Variants in DHX35 observed in about 807,000 individuals in gnomAD.
DHX35 encodes the protein probable ATP-dependent RNA helicase DHX35.
DHX35 carries 84 observed loss-of-function variants against 99.6 expected under a neutral mutation model. The ratio of observed to expected loss-of-function variants is 0.84; its 90% CI spans 0.71 to 1.01. The LOEUF is 1.01. DHX35 is among the 50% of genes least tolerant of loss of function. The pLI, the probability that DHX35 is intolerant of heterozygous loss-of-function variation, is 0.00. For missense variants in DHX35, 852 were observed against 888.5 expected, an observed-to-expected ratio of 0.96 and a Z score of 0.52; for synonymous variants, 331 against 316.2, an observed-to-expected ratio of 1.05 and a Z score of -0.50.
At chr20:39,015,467 A>G (rs2086770198) in intron 14 of DHX35, among the ~76,000 whole-genome samples, 1 of 151,968 alleles carries the variant, frequency 6.6e-6, no homozygotes, top group African/African-American at 2.4e-5. Flanking sequence ...CATTGAAAGT[A>G]ATGGCAAAAC....
At chr20:39,012,878 C>G (rs534415099) in intron 13 of DHX35, among the ~76,000 whole-genome samples, 15 of 152,092 alleles carry the variant, frequency 9.9e-5, no homozygotes, top group Non-Finnish European at 1.0e-4. Context: ...ATGGTGAAAT[C>G]GAAAACTGCC....
chr20:38,974,723 A>G (rs2145842275), intron 3 of DHX35, among the ~76,000 whole-genome samples: 1 of 152,300 alleles, frequency 6.6e-6, no homozygotes, highest in Non-Finnish European at 1.5e-5. Context: ...GAAGAGGATT[A>G]AGGACAAAGT....
rs185705766 is a variant in DHX35, at chr20:39,033,253, T to A, written c.1956-953T>A. Among the ~76,000 whole-genome samples the A allele has an allele frequency of 4.1e-3, 620 of 152,206 alleles. 5 individuals are homozygous for A. The highest frequency in any genetic ancestry group is 0.014 in the African/African-American group (565 of 41,548). The stretch of plus-strand genomic sequence containing the variant: ...CCTGCCTTTAAAAAATTTTTTTTTT[T>A]AAATCAAGAGAGATGCAAAACCTCA... On this transcript the variant is annotated intron_variant, in intron 20 of 21. Transcript: ENST00000252011.
At chr20:38,984,416 T>C (rs142389128) in intron 4 of DHX35, among the ~76,000 whole-genome samples, 67 of 152,332 alleles carry the variant, frequency 4.4e-4, no homozygotes, top group African/African-American at 1.5e-3. Context: ...AATGGTTGAC[T>C]GGCTGGATAG....
intron 13 of DHX35, among the ~76,000 whole-genome samples, chr20:39,014,155 A>G (rs544449601): frequency 6.6e-6 from 1 of 152,382 alleles, no homozygotes; most frequent in East Asian, 1.9e-4. Flanking sequence ...TTTAGAAAAC[A>G]TCCTATGCAG....
At chr20:39,004,513 G>A (rs912216715) in intron 11 of DHX35, among the ~76,000 whole-genome samples, 9 of 152,216 alleles carry the variant, frequency 5.9e-5, no homozygotes, top group South Asian at 2.1e-4. Context: ...TAGGGGGATT[G>A]AGGTCAGTCA....
intron 10 of DHX35, 97 bp from the exon 11 acceptor site, chr20:39,003,652 A>G: frequency 7.0e-7 from 1 of 1,421,852 alleles, no homozygotes; most frequent in African/African-American, 1.4e-5. Context: ...GACCAAAATT[A>G]AAGTCCAGAT....
At position 39,006,373 on chromosome 20, in the gene DHX35, C is replaced by G. The variant is rs1283513138; in HGVS notation, c.1222+17C>G. ...TTTATACAGGTTAGTGTGGCTTTCC[C>G]TAAGGGTTTTTGACTTTCTTATAGT... On this transcript the variant is annotated intron_variant, in intron 12 of 21. Transcript: ENST00000252011. The G allele has an allele frequency of 5.0e-6, 8 of 1,609,578 alleles. No homozygotes were observed. The highest frequency in any genetic ancestry group is 1.3e-5 in the African/African-American group (1 of 74,830).
chr20:38,968,932 T>A lies in DHX35; in HGVS notation c.41-149T>A, dbSNP rs543253268. On this transcript the variant is annotated intron_variant, in intron 1 of 21. Coordinates refer to ENST00000252011, the MANE Select transcript of DHX35 (RefSeq NM_021931.4). ...CTCGTAGGCACTTTTCTGGATTCTT[T>A]CCTAAAGTTAAGGTTGAATACCTTT... 5.5e-5 allele frequency: 52 copies of A among 952,240 alleles called. No individual in the cohort carries two copies. The South Asian group carries it at 1.3e-3, about 24-fold the overall frequency. 59.0% of individuals were successfully genotyped at this position (952,240 alleles called of 1,614,324 possible).
chr20:39,010,246 T>A, intron 12 of DHX35, 34 bp from the exon 13 acceptor site: 1 of 1,613,940 alleles, frequency 6.2e-7, no homozygotes, highest in African/African-American at 1.3e-5. Flanking sequence ...ATTGTGACAT[T>A]TGGTCCCAAA....
intron 8 of DHX35, among the ~76,000 whole-genome samples, chr20:38,995,275 A>C (rs2086411126): frequency 6.6e-6 from 1 of 152,240 alleles, no homozygotes; most frequent in Non-Finnish European, 1.5e-5. Context: ...CTGTAATCCC[A>C]GCACTTTGGG....
intron 14 of DHX35, among the ~76,000 whole-genome samples, chr20:39,015,289 A>G (rs917230515): frequency 2.6e-5 from 4 of 152,156 alleles, no homozygotes; most frequent in African/African-American, 9.7e-5. Context: ...ATCCTTAAAA[A>G]TCGTGGCTCA....
chr20:39,011,986 G>C (rs1007863385), intron 13 of DHX35, among the ~76,000 whole-genome samples: 4 of 152,320 alleles, frequency 2.6e-5, no homozygotes, highest in African/African-American at 9.6e-5. Flanking sequence ...GGTGGCTTAT[G>C]CCTGTAATCC....
chr20:39,007,590 G>C (rs1037824062), intron 12 of DHX35, among the ~76,000 whole-genome samples: 8 of 152,204 alleles, frequency 5.3e-5, no homozygotes, highest in African/African-American at 1.9e-4. Flanking sequence ...TTCACAACCA[G>C]GGTGTTGTTT....
At chr20:38,980,253 T>C (rs1428612223) in intron 3 of DHX35, among the ~76,000 whole-genome samples, 1 of 152,302 alleles carries the variant, frequency 6.6e-6, no homozygotes. Context: ...TGAAGTAGGA[T>C]AATATGTTGT....
intron 17 of DHX35, among the ~76,000 whole-genome samples, chr20:39,024,338 T>C (rs2145935005): frequency 6.6e-6 from 1 of 152,328 alleles, no homozygotes; most frequent in East Asian, 1.9e-4. Context: ...ATGAAAATGA[T>C]GAAAAAAGTA....
At chr20:39,011,826 G>T (rs2086706997) in intron 13 of DHX35, among the ~76,000 whole-genome samples, 1 of 152,168 alleles carries the variant, frequency 6.6e-6, no homozygotes, top group Non-Finnish European at 1.5e-5. Flanking sequence ...ATATGTGATG[G>T]TAAACTAGGT....
intron 2 of DHX35, among the ~76,000 whole-genome samples, chr20:38,971,124 G>C (rs558701598): frequency 6.6e-6 from 1 of 152,036 alleles, no homozygotes; most frequent in Non-Finnish European, 1.5e-5. Context: ...AGGCTGAGGC[G>C]GGTGGATCAC....
intron 13 of DHX35, among the ~76,000 whole-genome samples, chr20:39,013,368 G>T (rs1052754757): frequency 6.6e-6 from 1 of 152,218 alleles, no homozygotes; most frequent in African/African-American, 2.4e-5. Context: ...TGTGAAGTTT[G>T]TATGGGTGCA....
Sources: allele counts gnomAD v4.1 joint callset (sites outside exome capture counted in the v4.1 genomes callset), GRCh38; gene constraint gnomAD v4.1.1; transcripts MANE v1.5; gene names NCBI Gene and HGNC (gene_info 2026-07-23, HGNC 2026-07-21).